ABCC1: variants seen among roughly 807,000 people sequenced by gnomAD.
ABCC1 encodes ATP binding cassette subfamily C member 1 (ABCC1 blood group).
In ABCC1, 83 loss-of-function variants were observed where a neutral mutation model predicts 172.9. The observed-to-expected ratio is 0.48, with a 90% confidence interval of 0.40 to 0.58. The LOEUF (loss-of-function observed/expected upper bound fraction) is 0.58. ABCC1 is among the 20% of genes least tolerant of loss of function. The pLI, the probability that ABCC1 is intolerant of heterozygous loss-of-function variation, is 0.00. For synonymous variants in ABCC1, 937 were observed against 825.2 expected, an observed-to-expected ratio of 1.14 and a Z score of -2.32; for missense variants, 1,817 against 2,002.7, an observed-to-expected ratio of 0.91 and a Z score of 1.77.
At chr16:16,129,005 AAAAC>A (rs1475336687) in intron 26 of ABCC1, among the ~76,000 whole-genome samples, 2 of 151,056 alleles carry the variant, frequency 1.3e-5, no homozygotes, top group Admixed American at 6.7e-5. Flanking sequence ...GAAAAACAAA[AAAAC>A]AAAGAAGTTT....
chr16:16,138,947 C>A (rs190624562), intron 30 of ABCC1, among the ~76,000 whole-genome samples: 2 of 152,152 alleles, frequency 1.3e-5, no homozygotes, highest in South Asian at 4.1e-4. Context: ...TGACCTCAGG[C>A]GATCTGCCCG....
intron 19 of ABCC1, among the ~76,000 whole-genome samples, chr16:16,099,221 A>C (rs1455648279): frequency 6.6e-6 from 1 of 152,220 alleles, no homozygotes; most frequent in East Asian, 1.9e-4. Context: ...TGCCTGGCAC[A>C]CAGTGGATGG....
At chr16:16,085,861 G>A (rs1188776953) in intron 17 of ABCC1, among the ~76,000 whole-genome samples, 1 of 152,178 alleles carries the variant, frequency 6.6e-6, no homozygotes. Context: ...GGAGGGACTG[G>A]GCAGTAACCT....
intron 3 of ABCC1, among the ~76,000 whole-genome samples, chr16:16,013,330 GCA>G (rs2047867069): frequency 1.3e-5 from 2 of 151,762 alleles, no homozygotes; most frequent in Non-Finnish European, 2.9e-5. Flanking sequence ...GAATGCAGTG[GCA>G]TGATCTCAGC....
chr16:16,008,952 GTTT>G (rs1276938743), intron 2 of ABCC1, among the ~76,000 whole-genome samples: 1 of 124,528 alleles, frequency 8.0e-6, no homozygotes, highest in East Asian at 2.3e-4. Flanking sequence ...TTTTGTTGTT[GTTT>G]TTTGTTTTTT....
intron 10 of ABCC1, among the ~76,000 whole-genome samples, chr16:16,050,095 A>ATT (rs2049365836): frequency 6.6e-6 from 1 of 152,234 alleles, no homozygotes; most frequent in East Asian, 1.9e-4. Context: ...ATAGCAGCTG[A>ATT]CTTTTGTGTC....
chr16:15,955,493 C>G (rs896914340), intron 1 of ABCC1, among the ~76,000 whole-genome samples: 1 of 152,336 alleles, frequency 6.6e-6, no homozygotes, highest in East Asian at 1.9e-4. Flanking sequence ...AAAGGGCTTA[C>G]AGTGGCCTCG....
intron 1 of ABCC1, among the ~76,000 whole-genome samples, chr16:15,975,634 G>A (rs1567282042): frequency 6.6e-6 from 1 of 151,724 alleles, no homozygotes; most frequent in African/African-American, 2.4e-5. Flanking sequence ...TCGGCTCACA[G>A]CAACCTCTGC....
Position 16,033,188 on chromosome 16 carries a change from A to G in ABCC1, c.677+18A>G. 6.2e-7 allele frequency: 1 copy of G among 1,611,886 alleles called. No homozygotes were observed. Among genetic ancestry groups the G allele is most frequent in the African/African-American group, 1.3e-5 (1 of 74,770 alleles). ...ATCACAGGGTAAGGCCAGGCCCCCC[A>G]GACCTCAGGGAGGTGGTGGGGAGTG... On this transcript the variant is annotated intron_variant, in intron 6 of 30. Coordinates refer to ENST00000399410, the MANE Select transcript of ABCC1 (RefSeq NM_004996.4).
At chr16:16,015,203 G>A (rs2047950952) in intron 4 of ABCC1, among the ~76,000 whole-genome samples, 1 of 149,278 alleles carries the variant, frequency 6.7e-6, no homozygotes, top group Non-Finnish European at 1.5e-5. Context: ...GCAGTGGCAC[G>A]ATCTAGGCTC....
At chr16:16,014,876 G>A (rs996936095) in intron 4 of ABCC1, among the ~76,000 whole-genome samples, 2 of 152,198 alleles carry the variant, frequency 1.3e-5, no homozygotes, top group Non-Finnish European at 2.9e-5. Context: ...GGCTCCCATG[G>A]GACCTCCAAG....
intron 1 of ABCC1, among the ~76,000 whole-genome samples, chr16:16,005,162 A>AG (rs2047481613): frequency 1.4e-5 from 2 of 142,758 alleles, no homozygotes; most frequent in African/African-American, 5.3e-5. Flanking sequence ...TGATCGTGGG[A>AG]GGGCTGTTGG....
At chr16:16,024,047 C>T (rs1478795336) in intron 5 of ABCC1, among the ~76,000 whole-genome samples, 3 of 151,984 alleles carry the variant, frequency 2.0e-5, no homozygotes, top group East Asian at 1.9e-4. Context: ...GGTAAAACCC[C>T]GTCTCTACTG....
intron 23 of ABCC1, among the ~76,000 whole-genome samples, chr16:16,120,414 A>G (rs2045099223): frequency 6.6e-6 from 1 of 152,150 alleles, no homozygotes; most frequent in Non-Finnish European, 1.5e-5. Flanking sequence ...AAGCTTGCAG[A>G]AGGTGGTTGG....
At position 16,124,411 on chromosome 16, in the gene ABCC1, A is replaced by G. The variant is rs7188177; in HGVS notation, c.3591-378A>G. On this transcript the variant is annotated intron_variant, in intron 24 of 30. Coordinates refer to ENST00000399410, the MANE Select transcript of ABCC1 (RefSeq NM_004996.4). ...TGTGTGTGTGTGTGTGTGTGTGTGTATGTGTGTGTGTGTGATTATAGGAGT... is the reference window on the plus strand; with the variant it reads ...TGTGTGTGTGTGTGTGTGTGTGTGTGTGTGTGTGTGTGTGATTATAGGAGT... Among the ~76,000 whole-genome samples the G allele has an allele frequency of 9.7e-3, 530 of 54,786 alleles. 4 individuals carry two copies. Among genetic ancestry groups the G allele is most frequent in the African/African-American group, 0.023 (367 of 15,624 alleles). The allele number at this position is 54,786 out of a possible 152,430, so 35.9% of individuals were successfully genotyped here. A position where few individuals can be genotyped will look rare whatever the true frequency, so the allele number is the denominator to read the frequency against.
At chr16:15,979,321 A>T (rs1224949184) in intron 1 of ABCC1, among the ~76,000 whole-genome samples, 2 of 151,912 alleles carry the variant, frequency 1.3e-5, no homozygotes, top group East Asian at 3.9e-4. Flanking sequence ...AAAAAAAAAC[A>T]AAATTTTTTT....
intron 15 of ABCC1, 132 bp from the exon 16 acceptor site, chr16:16,079,220 A>G: frequency 7.5e-7 from 1 of 1,334,752 alleles, no homozygotes; most frequent in Non-Finnish European, 1.0e-6. Context: ...TGAGGCCTTC[A>G]GTGTTTAGTA....
At chr16:16,037,750 T>C (rs190594096) in intron 7 of ABCC1, among the ~76,000 whole-genome samples, 1 of 152,250 alleles carries the variant, frequency 6.6e-6, no homozygotes, top group East Asian at 1.9e-4. Context: ...CTCATTCTAT[T>C]CCGGGGATGC....
chr16:16,024,167 C>T (rs1026862389), intron 5 of ABCC1, among the ~76,000 whole-genome samples: 5 of 151,982 alleles, frequency 3.3e-5, no homozygotes, highest in East Asian at 1.9e-4. Flanking sequence ...TGCAGTGCGC[C>T]GAGATCGCGC....
Sources: gnomAD v4.1 joint callset for allele counts (sites outside exome capture counted in the v4.1 genomes callset) on GRCh38, gnomAD v4.1.1 for gene constraint, MANE v1.5 for transcripts, NCBI Gene and HGNC (gene_info 2026-07-23, HGNC 2026-07-21) for gene names.